ANKRD12: variants seen among roughly 807,000 people sequenced by gnomAD.
ANKRD12 encodes ankyrin repeat domain-containing protein 12.
ANKRD12 carries 85 observed loss-of-function variants against 183.4 expected under a neutral mutation model. That is an observed-to-expected ratio of 0.46 (90% CI 0.39 to 0.56). The LOEUF (loss-of-function observed/expected upper bound fraction) is 0.56. Ranked by LOEUF, ANKRD12 falls within the 20% of genes least tolerant of loss-of-function variation. ANKRD12 has a pLI of 0.00. For missense variants in ANKRD12, 2,405 were observed against 2,357.1 expected (o/e 1.02, Z -0.42); for synonymous variants, 914 against 800.2 (o/e 1.14, Z -2.40).
At chr18:9,227,777 T>C (rs780774957) in intron 8 of ANKRD12, among the ~76,000 whole-genome samples, 5 of 152,238 alleles carry the variant, frequency 3.3e-5, no homozygotes, top group African/African-American at 4.8e-5. Context: ...GGGGTATCCA[T>C]CACCTTAAGT....
At position 9,208,660 on chromosome 18, in the gene ANKRD12, A is replaced by C; in HGVS notation, c.308A>C (p.Lys103Thr). The stretch of plus-strand genomic sequence containing the variant: ...ACATATTTGTTAATAATTCCAGAGA[A>C]AGAAGGTCCAGAAAAGAAGAAGACA... ...LISSYRTYSE[K>T]EGPEKKKTKK... is the part of the protein sequence containing the mutation. The change falls in exon 5 of 13, where the codon AAA becomes ACA. Residue 103 changes from lysine (K) to threonine (T), a missense_variant. Around this residue, in one of 7 missense-constraint regions of ANKRD12, gnomAD observed 145 missense variants for 145.6 expected, o/e 1.00. Transcript: ENST00000262126. The C allele has an allele frequency of 1.2e-6, 2 of 1,600,454 alleles. No individual in the cohort carries two copies. The highest frequency in any genetic ancestry group is 1.7e-6 in the Non-Finnish European group (2 of 1,175,676).
intron 1 of ANKRD12, among the ~76,000 whole-genome samples, chr18:9,177,026 A>G (rs1474289651): frequency 6.6e-6 from 1 of 152,216 alleles, no homozygotes; most frequent in Non-Finnish European, 1.5e-5. Flanking sequence ...AAGGGAAGAA[A>G]CATCTTCGAA....
At chr18:9,179,042 G>A (rs2033505088) in intron 1 of ANKRD12, among the ~76,000 whole-genome samples, 1 of 151,724 alleles carries the variant, frequency 6.6e-6, no homozygotes, top group Non-Finnish European at 1.5e-5. Context: ...TACTTCTGAT[G>A]TTGTTGTAGG....
chr18:9,245,446 C>G (rs1370166179), intron 8 of ANKRD12, among the ~76,000 whole-genome samples: 1 of 152,036 alleles, frequency 6.6e-6, no homozygotes, highest in East Asian at 1.9e-4. Context: ...GGCTACAGAG[C>G]TAGACCCTGT....
At chr18:9,261,207 TTC>T (rs781143892) in intron 9 of ANKRD12, among the ~76,000 whole-genome samples, 4 of 152,208 alleles carry the variant, frequency 2.6e-5, no homozygotes, top group Non-Finnish European at 5.9e-5. Context: ...CCTTTCATGG[TTC>T]TCTGTTACTT....
rs752649938 is a variant in ANKRD12, at chr18:9,254,716, A to G, written c.1449A>G (p.Lys483=). The change falls in exon 9 of 13, where the codon AAA becomes AAG. Residue 483 remains lysine (K), a synonymous_variant. Transcript: ENST00000262126. ...AATTGAAAAATCAGAATAAAAATAA[A>G]GAGAACCAAGAGCTAAAGCAAGAAA... ...KRKLKNQNKN[K]ENQELKQEKE... 6.6e-7 allele frequency: 1 copy of G among 1,512,080 alleles called. No homozygotes were observed. The highest frequency in any genetic ancestry group is 1.4e-5 in the South Asian group (1 of 73,726). 93.7% of individuals were successfully genotyped at this position (1,512,080 alleles called of 1,614,324 possible).
At chr18:9,157,575 G>GTATATATATATA (rs1324001858) in intron 1 of ANKRD12, among the ~76,000 whole-genome samples, 4 of 112,776 alleles carry the variant, frequency 3.5e-5, no homozygotes, top group Non-Finnish European at 5.3e-5. Flanking sequence ...GTGTGTGTGT[G>GTATATATATATA]TGTGTGTGTG....
chr18:9,187,638 G>C (rs918472707), intron 2 of ANKRD12, among the ~76,000 whole-genome samples: 1 of 152,102 alleles, frequency 6.6e-6, no homozygotes, highest in Non-Finnish European at 1.5e-5. Flanking sequence ...TTAGGATTTT[G>C]ACAAGAATGT....
intron 9 of ANKRD12, among the ~76,000 whole-genome samples, chr18:9,261,728 C>T (rs973365311): frequency 1.3e-5 from 2 of 152,138 alleles, no homozygotes; most frequent in Admixed American, 1.3e-4. Context: ...TGCATGCCAT[C>T]CTCTTTTGGG....
intron 1 of ANKRD12, among the ~76,000 whole-genome samples, chr18:9,176,089 A>C (rs1269150180): frequency 6.6e-6 from 1 of 152,048 alleles, no homozygotes; most frequent in Non-Finnish European, 1.5e-5. Flanking sequence ...GTGTTTTTTG[A>C]TTCTGCTGGT....
chr18:9,265,873 A>G (rs1340619739), intron 10 of ANKRD12, among the ~76,000 whole-genome samples: 1 of 152,238 alleles, frequency 6.6e-6, no homozygotes, highest in Admixed American at 6.5e-5. Flanking sequence ...AAAACCTTGA[A>G]AAAAGATTAG....
intron 2 of ANKRD12, among the ~76,000 whole-genome samples, chr18:9,189,133 A>C (rs372927421): frequency 1.8e-4 from 27 of 152,218 alleles, no homozygotes; most frequent in African/African-American, 6.5e-4. Context: ...ACACCATAAG[A>C]AAGCAAAACA....
chr18:9,219,758 GAA>G (rs879484682), intron 7 of ANKRD12, among the ~76,000 whole-genome samples: 19 of 101,762 alleles, frequency 1.9e-4, no homozygotes, highest in African/African-American at 5.5e-4. Context: ...AGAAAGAAAA[GAA>G]AAAAAAAAAA....
intron 7 of ANKRD12, among the ~76,000 whole-genome samples, chr18:9,218,498 A>G (rs2036234931): frequency 6.6e-6 from 1 of 152,174 alleles, no homozygotes; most frequent in Non-Finnish European, 1.5e-5. Context: ...AATAGTCATG[A>G]CAACTTCAGC....
intron 8 of ANKRD12, among the ~76,000 whole-genome samples, chr18:9,248,426 ACT>A (rs781176839): frequency 1.3e-5 from 2 of 152,010 alleles, no homozygotes; most frequent in Admixed American, 6.6e-5. Flanking sequence ...AGACTTAGTG[ACT>A]CTGTGTCTCA....
At chr18:9,260,299 C>CT (rs2038889624) in intron 9 of ANKRD12, 5 of 152,098 alleles carry the variant, frequency 3.3e-5, no homozygotes, top group African/African-American at 4.8e-5. Flanking sequence ...AATCCCAATA[C>CT]TTTAGGAGGC....
chr18:9,262,258 T>G (rs1401380338), intron 9 of ANKRD12, among the ~76,000 whole-genome samples: 2 of 152,232 alleles, frequency 1.3e-5, no homozygotes, highest in Non-Finnish European at 2.9e-5. Context: ...TGTCCTACTT[T>G]CATGTGGAAT....
At chr18:9,176,990 G>A (rs535421560) in intron 1 of ANKRD12, among the ~76,000 whole-genome samples, 57 of 152,208 alleles carry the variant, frequency 3.7e-4, no homozygotes, top group Non-Finnish European at 7.8e-4. Flanking sequence ...TGTTTGGTCT[G>A]TAAGGAGCAA....
Position 9,281,280 on chromosome 18 carries a change from A to C in ANKRD12, c.*154A>C. ...TGTAGTAAACACTGTCATTTTATAA[A>C]AAATGAGAATTATTTTGGATCTTAG... is the stretch of plus-strand genomic sequence containing the variant. On this transcript the variant is annotated 3_prime_UTR_variant, in exon 13 of 13. Transcript: ENST00000262126. The C allele has an allele frequency of 1.8e-6, 1 of 554,396 alleles. No homozygotes were observed. Among genetic ancestry groups the C allele is most frequent in the Non-Finnish European group, 3.0e-6 (1 of 328,046 alleles). 34.3% of individuals were successfully genotyped at this position (554,396 alleles called of 1,614,324 possible). A position where few individuals can be genotyped will look rare whatever the true frequency, so the allele number is the denominator to read the frequency against.
Sources: allele counts gnomAD v4.1 joint callset (sites outside exome capture counted in the v4.1 genomes callset), GRCh38; gene constraint gnomAD v4.1.1; regional missense constraint gnomAD v4.1.1; transcripts MANE v1.5; gene names NCBI Gene and HGNC (gene_info 2026-07-23, HGNC 2026-07-21).